NCOA1: variants seen among roughly 807,000 people sequenced by gnomAD.
The protein encoded by NCOA1 is nuclear receptor coactivator 1.
A neutral mutation model predicts 150.9 loss-of-function variants in NCOA1; 35 were observed. The observed-to-expected ratio is 0.23, with a 90% CI of 0.18 to 0.31. NCOA1 has a LOEUF of 0.31. Among genes scored for constraint, NCOA1 ranks in the 10% least tolerant of loss-of-function variants. NCOA1 has a pLI of 1.00. For synonymous variants in NCOA1, 590 were observed against 630.0 expected, an observed-to-expected ratio of 0.94 and a Z score of 0.95; for missense variants, 1,491 against 1,749.3, an observed-to-expected ratio of 0.85 and a Z score of 2.63.
intron 2 of NCOA1, among the ~76,000 whole-genome samples, chr2:24,570,434 T>C (rs1483859041): frequency 6.6e-6 from 1 of 152,208 alleles, no homozygotes; most frequent in Non-Finnish European, 1.5e-5. Flanking sequence ...ATCAAATATA[T>C]TTAAATCCGT....
At position 24,636,577 on chromosome 2, in the gene NCOA1, CT is replaced by C. The variant is rs199821493; in HGVS notation, c.-174-7386del. Reference sequence around the variant, plus strand: ...TAAATAAATAAAGACAATTTTAGTTCTTTCTAACCTAACTTTTATTTCTCTT... The same window carrying C: ...TAAATAAATAAAGACAATTTTAGTTCTTCTAACCTAACTTTTATTTCTCTT... On this transcript the variant is annotated intron_variant, in intron 3 of 22. Coordinates refer to ENST00000348332, the MANE Select transcript of NCOA1 (RefSeq NM_003743.5). Among the ~76,000 whole-genome samples, 99 of 152,094 alleles carry C rather than the reference CT, an allele frequency of 6.5e-4. 2 individuals carry two copies. The East Asian group carries it at 0.018, about 27-fold the overall frequency.
intron 4 of NCOA1, among the ~76,000 whole-genome samples, chr2:24,648,536 G>A (rs1376347286): frequency 2.6e-5 from 4 of 152,308 alleles, no homozygotes; most frequent in East Asian, 3.9e-4. Context: ...CTCCTGAAGC[G>A]CTGGGATTAC....
intron 1 of NCOA1, among the ~76,000 whole-genome samples, chr2:24,553,911 G>T (rs1377056614): frequency 1.6e-4 from 25 of 152,226 alleles, no homozygotes; most frequent in Admixed American, 1.6e-3. Flanking sequence ...TGTCATGGAA[G>T]TGTTTTCTTG....
At chr2:24,558,695 G>GTTT (rs1394933188) in intron 1 of NCOA1, among the ~76,000 whole-genome samples, 3 of 152,154 alleles carry the variant, frequency 2.0e-5, no homozygotes, top group Non-Finnish European at 4.4e-5. Context: ...TTTTGTAGAG[G>GTTT]GAAAAGTTTA....
intron 1 of NCOA1, among the ~76,000 whole-genome samples, chr2:24,502,771 T>C (rs890739414): frequency 4.6e-5 from 7 of 152,226 alleles, no homozygotes; most frequent in African/African-American, 1.7e-4. Flanking sequence ...CTTAATCTAG[T>C]CTATGCTTTT....
intron 6 of NCOA1, among the ~76,000 whole-genome samples, chr2:24,672,440 G>A (rs1671729906): frequency 6.6e-6 from 1 of 152,122 alleles, no homozygotes; most frequent in African/African-American, 2.4e-5. Context: ...TGACACCCAG[G>A]CTGGAGTGCA....
intron 16 of NCOA1, among the ~76,000 whole-genome samples, chr2:24,729,072 A>G (rs1471707971): frequency 6.6e-6 from 1 of 152,260 alleles, no homozygotes; most frequent in Non-Finnish European, 1.5e-5. Flanking sequence ...CCATAACGCT[A>G]CAGCTTTCTG....
intron 1 of NCOA1, among the ~76,000 whole-genome samples, chr2:24,517,003 C>CGT (rs1431258752): frequency 0.079 from 1,412 of 17,954 alleles, 41 homozygotes; most frequent in African/African-American, 0.1. Flanking sequence ...TACACACGCG[C>CGT]GCACACACAC....
chr2:24,763,537 C>CAA (rs35265100), intron 22 of NCOA1, among the ~76,000 whole-genome samples: 15 of 80,812 alleles, frequency 1.9e-4, no homozygotes, highest in African/African-American at 4.0e-4. Flanking sequence ...GACTCCATCT[C>CAA]AAAAAAAAAA....
chr2:24,726,913 G>A (rs1674656077), intron 15 of NCOA1, among the ~76,000 whole-genome samples: 1 of 151,500 alleles, frequency 6.6e-6, no homozygotes, highest in Admixed American at 6.6e-5. Context: ...GAGGCAGGTG[G>A]ATCACCTGAG....
intron 1 of NCOA1, among the ~76,000 whole-genome samples, chr2:24,548,634 G>C (rs1432743838): frequency 6.6e-6 from 1 of 152,182 alleles, no homozygotes; most frequent in Admixed American, 6.5e-5. Context: ...GATACTTGGG[G>C]GTACAGGCAT....
chr2:24,711,723 C>G (rs1673758107), intron 14 of NCOA1, among the ~76,000 whole-genome samples: 1 of 152,040 alleles, frequency 6.6e-6, no homozygotes, highest in Admixed American at 6.6e-5. Flanking sequence ...TTGTTCTAAC[C>G]CAAGTTAGCA....
At chr2:24,721,576 C>A (rs1674358618) in intron 14 of NCOA1, among the ~76,000 whole-genome samples, 1 of 152,184 alleles carries the variant, frequency 6.6e-6, no homozygotes, top group African/African-American at 2.4e-5. Context: ...TTGTGGCAGC[C>A]CTAGCACCCC....
chr2:24,767,213 A>G (rs11892043), intron 22 of NCOA1, among the ~76,000 whole-genome samples: 38,713 of 152,112 alleles, frequency 0.25, 4,982 homozygotes, highest in Non-Finnish European at 0.27. Context: ...AGTGTAATTG[A>G]CATGAATTAG....
chr2:24,674,458 G>A (rs1421314475), intron 7 of NCOA1, among the ~76,000 whole-genome samples: 29 of 152,080 alleles, frequency 1.9e-4, no homozygotes, highest in East Asian at 1.9e-4. Context: ...CGCCCACCTC[G>A]GCCTCCCAAA....
chr2:24,564,507 T>G (rs1666415199), intron 2 of NCOA1, 77 bp downstream of exon 2: 1 of 152,228 alleles, frequency 6.6e-6, no homozygotes, highest in South Asian at 2.1e-4. Context: ...GATATAGGTT[T>G]GGTGAGTTTA....
chr2:24,599,831 AGCGATT>A, intron 3 of NCOA1, among the ~76,000 whole-genome samples: 1 of 150,740 alleles, frequency 6.6e-6, no homozygotes, highest in East Asian at 2.0e-4. Flanking sequence ...TCCTGTTTTA[AGCGATT>A]CTCGTGCCTC....
At position 24,709,595 on chromosome 2, in the gene NCOA1, AG is replaced by A. The variant is rs529895651; in HGVS notation, c.2419-1334del. Among the ~76,000 whole-genome samples, 18 of 152,296 alleles carry A rather than the reference AG, an allele frequency of 1.2e-4. No homozygotes were observed. The South Asian group carries it at 3.7e-3, about 32-fold the overall frequency. ...ATTTGCAGACATCTTTTTAGTGCTA[AG>A]GCTTACCTTTTCTTTCTCTTACTGG... On this transcript the variant is annotated intron_variant, in intron 13 of 22. Coordinates refer to ENST00000348332, the MANE Select transcript of NCOA1 (RefSeq NM_003743.5).
rs562325649 is a variant in NCOA1 at position 24,506,061 on chromosome 2, C to T, written c.-396+14459C>T. ...ATCTAGTTGCACTCTGTATTAGATCCACCCAATATTTCCCAGTTAAATGAA... is the reference window on the plus strand; with the variant it reads ...ATCTAGTTGCACTCTGTATTAGATCTACCCAATATTTCCCAGTTAAATGAA... On this transcript the variant is annotated intron_variant, in intron 1 of 22. Coordinates refer to ENST00000348332, the MANE Select transcript of NCOA1 (RefSeq NM_003743.5). 3.3e-5 allele frequency among the ~76,000 whole-genome samples: 5 copies of T among 151,972 alleles called. No homozygotes were observed. In the South Asian group the frequency reaches 1.0e-3, roughly 32 times the overall value.
Sources: allele counts gnomAD v4.1 joint callset (sites outside exome capture counted in the v4.1 genomes callset), GRCh38; gene constraint gnomAD v4.1.1; transcripts MANE v1.5; gene names NCBI Gene and HGNC (gene_info 2026-07-23, HGNC 2026-07-21).